Variants in MOXD1 observed in about 807,000 individuals in gnomAD.
MOXD1 encodes monooxygenase DBH like 1.
A neutral mutation model predicts 66.6 loss-of-function variants in MOXD1; 62 were observed. The ratio of observed to expected loss-of-function variants is 0.93; its 90% CI spans 0.76 to 1.15. MOXD1 has a LOEUF of 1.15. Among genes scored for constraint, MOXD1 ranks in the 50% most tolerant of loss-of-function variants. The probability of loss-of-function intolerance (pLI) is 0.00; values close to 1 mark genes in which losing one functional copy is unlikely to be tolerated. For missense variants in MOXD1, 847 were observed against 754.6 expected (o/e 1.12, Z -1.44); for synonymous variants, 303 against 281.9 (o/e 1.07, Z -0.75).
At chr6:132,382,266 T>C (rs1776526496) in intron 1 of MOXD1, among the ~76,000 whole-genome samples, 1 of 152,102 alleles carries the variant, frequency 6.6e-6, no homozygotes, top group Admixed American at 6.5e-5. Context: ...TGTATAAATT[T>C]TGTAAGAATT....
At chr6:132,361,970 C>T (rs1776025713) in intron 4 of MOXD1, among the ~76,000 whole-genome samples, 1 of 152,002 alleles carries the variant, frequency 6.6e-6, no homozygotes, top group Non-Finnish European at 1.5e-5. Context: ...GTTTTATAAA[C>T]TTGAATATAA....
At chr6:132,329,857 GA>G (rs763028841) in intron 4 of MOXD1, among the ~76,000 whole-genome samples, 15 of 151,810 alleles carry the variant, frequency 9.9e-5, no homozygotes, top group Admixed American at 2.0e-4. Context: ...ATTTGGAAGA[GA>G]AAAAAAACAT....
At chr6:132,378,366 TC>T (rs1176415374) in intron 1 of MOXD1, among the ~76,000 whole-genome samples, 1 of 152,104 alleles carries the variant, frequency 6.6e-6, no homozygotes, top group Non-Finnish European at 1.5e-5. Flanking sequence ...TTCCGAAATT[TC>T]CCCACCCTCA....
At chr6:132,338,588 C>A (rs1211359767) in intron 4 of MOXD1, among the ~76,000 whole-genome samples, 2 of 152,174 alleles carry the variant, frequency 1.3e-5, no homozygotes, top group Non-Finnish European at 2.9e-5. Context: ...TCCCCACCAG[C>A]CAACCCCCGA....
intron 1 of MOXD1, chr6:132,391,949 G>A (rs891953177): frequency 2.3e-6 from 1 of 428,252 alleles, no homozygotes; most frequent in Non-Finnish European, 4.2e-6. Flanking sequence ...TATTACTAAT[G>A]CACAAAGCAC....
intron 4 of MOXD1, among the ~76,000 whole-genome samples, chr6:132,342,389 G>T (rs1775582878): frequency 6.6e-6 from 1 of 152,230 alleles, no homozygotes; most frequent in African/African-American, 2.4e-5. Flanking sequence ...ACTATACTCA[G>T]TTCTGTACAA....
chr6:132,370,552 A>G (rs1016516386), intron 4 of MOXD1, among the ~76,000 whole-genome samples: 2 of 152,154 alleles, frequency 1.3e-5, no homozygotes, highest in South Asian at 2.1e-4. Flanking sequence ...AATCTATCCT[A>G]TAAGTGGTAT....
Position 132,315,759 on chromosome 6 carries a change from T to A in MOXD1, c.1384A>T (p.Ser462Cys), listed in dbSNP as rs1192313699. Residue 462 changes from serine (S) to cysteine (C), a missense_variant, in exon 10 of 12, where the codon AGT becomes TGT. Ser to Cys is a moderately radical substitution (Grantham distance 112). Coordinates refer to ENST00000367963, the MANE Select transcript of MOXD1 (RefSeq NM_015529.4). ...AGAAGGTATGAGAGACACATTTCAC[T>A]CCTGGTGCTTAGTCCTCCCTGAAAA... ...EMTWGGLSTR[S>C]EMCLSYLLYY... is the part of the protein sequence containing the mutation. The A allele has an allele frequency of 1.2e-6, 2 of 1,613,500 alleles. No homozygotes were observed. The highest frequency in any genetic ancestry group is 1.7e-6 in the Non-Finnish European group (2 of 1,179,652).
chr6:132,363,626 A>G lies in MOXD1; in HGVS notation c.663+8982T>C, dbSNP rs565656594. The stretch of plus-strand genomic sequence containing the variant: ...TTCAAGTCTTGGCTCTACTTCACCT[A>G]ATTTGTGTAATGTTGAGCAAGCTAC... On this transcript the variant is annotated intron_variant, in intron 4 of 11. Coordinates refer to ENST00000367963, the MANE Select transcript of MOXD1 (RefSeq NM_015529.4). Among the ~76,000 whole-genome samples the G allele has an allele frequency of 5.3e-5, 8 of 152,250 alleles. No homozygotes were observed. The Middle Eastern group carries it at 0.01, about 194-fold the overall frequency.
chr6:132,303,804 C>A (rs1562276286), intron 10 of MOXD1, among the ~76,000 whole-genome samples: 1 of 75,160 alleles, frequency 1.3e-5, no homozygotes, highest in African/African-American at 1.1e-4. Context: ...TATATACACA[C>A]ACATGTGTGT....
At chr6:132,358,511 A>C (rs1186151945) in intron 4 of MOXD1, among the ~76,000 whole-genome samples, 1 of 152,238 alleles carries the variant, frequency 6.6e-6, no homozygotes, top group African/African-American at 2.4e-5. Context: ...GCAATCCATA[A>C]ATACTTGTCT....
In MOXD1 at chr6:132,363,639, T is replaced by C. The variant is rs143592757; in HGVS notation, c.663+8969A>G. Among the ~76,000 whole-genome samples, 104 of 152,296 alleles carry C rather than the reference T, an allele frequency of 6.8e-4. 1 individual carries two copies. The highest frequency in any genetic ancestry group is 1.4e-3 in the Non-Finnish European group (92 of 68,018). The stretch of plus-strand genomic sequence containing the variant: ...TCTACTTCACCTAATTTGTGTAATG[T>C]TGAGCAAGCTACATAAGCTTGCTGT... On this transcript the variant is annotated intron_variant, in intron 4 of 11. Coordinates refer to ENST00000367963, the MANE Select transcript of MOXD1 (RefSeq NM_015529.4).
At chr6:132,315,237 C>G (rs901753929) in intron 10 of MOXD1, among the ~76,000 whole-genome samples, 1 of 152,212 alleles carries the variant, frequency 6.6e-6, no homozygotes, top group African/African-American at 2.4e-5. Flanking sequence ...TACATGTTGT[C>G]ACAATTTGAT....
intron 1 of MOXD1, among the ~76,000 whole-genome samples, chr6:132,393,370 G>A (rs1776808731): frequency 6.6e-6 from 1 of 152,160 alleles, no homozygotes; most frequent in Non-Finnish European, 1.5e-5. Flanking sequence ...ATCTGAGAGA[G>A]AATACTGGAA....
intron 4 of MOXD1, among the ~76,000 whole-genome samples, chr6:132,339,884 T>TC (rs957473511): frequency 5.3e-5 from 8 of 151,516 alleles, no homozygotes; most frequent in African/African-American, 1.7e-4. Flanking sequence ...TTTTTTTTTT[T>TC]TCTGTGATGG....
At chr6:132,372,320 T>C (rs1409799790) in intron 4 of MOXD1, among the ~76,000 whole-genome samples, 1 of 152,176 alleles carries the variant, frequency 6.6e-6, no homozygotes, top group Non-Finnish European at 1.5e-5. Flanking sequence ...ATTCCAGTAA[T>C]TCCAATTGTA....
intron 4 of MOXD1, among the ~76,000 whole-genome samples, chr6:132,338,513 G>T (rs57657097): frequency 0.033 from 4,968 of 152,230 alleles, 299 homozygotes; most frequent in African/African-American, 0.11. Context: ...CCATGGGTTT[G>T]GGTTGAGGCT....
chr6:132,401,271 G>C lies in MOXD1; in HGVS notation c.156C>G (p.Leu52=). 1 of 1,598,030 alleles carries C rather than the reference G, an allele frequency of 6.3e-7. No individual in the cohort carries two copies. Among genetic ancestry groups the C allele is most frequent in the Non-Finnish European group, 8.5e-7 (1 of 1,177,634 alleles). Residue 52 remains leucine, a synonymous_variant, in exon 1 of 12, where the codon CTC becomes CTG. Coordinates refer to ENST00000367963, the MANE Select transcript of MOXD1 (RefSeq NM_015529.4). Reference sequence around the variant, plus strand: ...CCACGTAGCCTGCAGTGCGCACCTGGAGGCGGAAGGCGATCTGGCTGCCCC... The same window carrying C: ...CCACGTAGCCTGCAGTGCGCACCTGCAGGCGGAAGGCGATCTGGCTGCCCC... ...SQRGSQIAFR[L]QVRTAGYVGF... is the part of the protein sequence containing the mutation.
chr6:132,401,131 G>C, intron 1 of MOXD1, 32 bp downstream of exon 1: 3 of 1,468,518 alleles, frequency 2.0e-6, no homozygotes, highest in Non-Finnish European at 2.7e-6. Context: ...ACCGGGCTCG[G>C]CCGGGCGGGC....
Sources: allele counts gnomAD v4.1 joint callset (sites outside exome capture counted in the v4.1 genomes callset), GRCh38; gene constraint gnomAD v4.1.1; transcripts MANE v1.5; gene names NCBI Gene and HGNC (gene_info 2026-07-23, HGNC 2026-07-21).